KCNAB1: variants seen among roughly 807,000 people sequenced by gnomAD.
KCNAB1 encodes potassium voltage-gated channel subfamily A regulatory beta subunit 1.
A neutral mutation model predicts 64.6 loss-of-function variants in KCNAB1; 35 were observed. The observed-to-expected ratio is 0.54, with a 90% confidence interval of 0.41 to 0.72. The LOEUF (loss-of-function observed/expected upper bound fraction) is 0.72, where lower values mean the gene tolerates loss of function less well. Ranked by LOEUF, KCNAB1 falls within the 30% of genes least tolerant of loss-of-function variation. The pLI is 0.00. For missense variants in KCNAB1, 401 were observed against 512.9 expected (o/e 0.78, Z 2.11); for synonymous variants, 177 against 183.8 (o/e 0.96, Z 0.30).
At position 156,537,221 on chromosome 3, in the gene KCNAB1, T is replaced by C; in HGVS notation, c.*474T>C. ...TAGATTATTGTTAAGTAAATAGTTATTAAAAATATATCTCACTGCAAAAAA... is the reference window on the plus strand; with the variant it reads ...TAGATTATTGTTAAGTAAATAGTTACTAAAAATATATCTCACTGCAAAAAA... On this transcript the variant is annotated 3_prime_UTR_variant, in exon 14 of 14. Coordinates refer to ENST00000490337, the MANE Select transcript of KCNAB1 (RefSeq NM_172160.3). 2.7e-6 allele frequency: 1 copy of C among 374,184 alleles called. No individual in the cohort carries two copies. Among genetic ancestry groups the C allele is most frequent in the Non-Finnish European group, 4.6e-6 (1 of 218,060 alleles). 23.2% of individuals were successfully genotyped at this position (374,184 alleles called of 1,614,324 possible). A position where few individuals can be genotyped will look rare whatever the true frequency, so the allele number is the denominator to read the frequency against.
intron 7 of KCNAB1, among the ~76,000 whole-genome samples, chr3:156,467,489 A>C (rs940642218): frequency 6.6e-6 from 1 of 152,116 alleles, no homozygotes; most frequent in African/African-American, 2.4e-5. Flanking sequence ...ATAGATAAGG[A>C]AGCCAGGTTC....
intron 7 of KCNAB1, among the ~76,000 whole-genome samples, chr3:156,472,177 A>G (rs995998094): frequency 2.6e-5 from 4 of 152,172 alleles, no homozygotes; most frequent in African/African-American, 9.7e-5. Flanking sequence ...CCAAAAATCT[A>G]GGAGTCATTC....
intron 2 of KCNAB1, among the ~76,000 whole-genome samples, chr3:156,424,303 T>C (rs187179868): frequency 3.9e-5 from 6 of 152,192 alleles, no homozygotes; most frequent in Admixed American, 3.9e-4. Flanking sequence ...TGTGAAGGGG[T>C]ATTTCAAAGA....
At chr3:156,132,428 CAG>C (rs1714053764) in intron 1 of KCNAB1, among the ~76,000 whole-genome samples, 1 of 152,216 alleles carries the variant, frequency 6.6e-6, no homozygotes. Flanking sequence ...TTGAACCTGT[CAG>C]AGTGTTTCTC....
chr3:156,397,673 G>A (rs115857967), intron 1 of KCNAB1, among the ~76,000 whole-genome samples: 1 of 151,782 alleles, frequency 6.6e-6, no homozygotes, highest in African/African-American at 2.4e-5. Flanking sequence ...TAAGAATCCT[G>A]CCCACACAAG....
At chr3:156,260,214 A>G (rs933256934) in intron 1 of KCNAB1, among the ~76,000 whole-genome samples, 1 of 152,222 alleles carries the variant, frequency 6.6e-6, no homozygotes, top group African/African-American at 2.4e-5. Context: ...CTTTAAAAAA[A>G]TAAACCTTCT....
chr3:156,153,218 A>C (rs1715520718), intron 1 of KCNAB1, among the ~76,000 whole-genome samples: 1 of 152,192 alleles, frequency 6.6e-6, no homozygotes, highest in African/African-American at 2.4e-5. Flanking sequence ...CCCAGCGCTC[A>C]CTTCCTAACT....
intron 1 of KCNAB1, among the ~76,000 whole-genome samples, chr3:156,129,971 A>G (rs1713896500): frequency 6.6e-6 from 1 of 152,198 alleles, no homozygotes; most frequent in Non-Finnish European, 1.5e-5. Flanking sequence ...CTCTCCATGC[A>G]CAGTGGATCC....
intron 11 of KCNAB1, among the ~76,000 whole-genome samples, chr3:156,522,062 CT>C (rs1201445350): frequency 5.3e-5 from 3 of 56,572 alleles, no homozygotes; most frequent in Non-Finnish European, 1.4e-4. Context: ...TAACCCAATC[CT>C]AAGAAAGAGA....
At chr3:156,385,428 C>T (rs1264622681) in intron 1 of KCNAB1, among the ~76,000 whole-genome samples, 2 of 139,622 alleles carry the variant, frequency 1.4e-5, no homozygotes, top group Non-Finnish European at 3.0e-5. Flanking sequence ...AAAGGAGGAT[C>T]TTGTTGGATG....
chr3:156,512,329 C>T (rs1717266390), intron 8 of KCNAB1, among the ~76,000 whole-genome samples: 1 of 152,222 alleles, frequency 6.6e-6, no homozygotes, highest in Non-Finnish European at 1.5e-5. Flanking sequence ...TCCATCTTCA[C>T]TGCTTTTGTC....
downstream of KCNAB1, chr3:156,538,805 A>ATAT (rs1173211073): frequency 6.6e-6 from 1 of 152,264 alleles, no homozygotes; most frequent in Admixed American, 6.5e-5. Context: ...CAATCCAAAC[A>ATAT]TATTCTATCA....
At chr3:156,261,108 A>C (rs1056678310) in intron 1 of KCNAB1, among the ~76,000 whole-genome samples, 1 of 152,038 alleles carries the variant, frequency 6.6e-6, no homozygotes, top group East Asian at 1.9e-4. Flanking sequence ...TCTTCTTTCT[A>C]TTGAGTTATT....
At chr3:156,442,238 T>G (rs779582147) in intron 2 of KCNAB1, among the ~76,000 whole-genome samples, 37 of 152,140 alleles carry the variant, frequency 2.4e-4, no homozygotes, top group Non-Finnish European at 3.5e-4. Context: ...TTTCTAGGGG[T>G]AGATTTAGTG....
intron 1 of KCNAB1, among the ~76,000 whole-genome samples, chr3:156,200,389 C>T (rs915576580): frequency 3.3e-5 from 5 of 152,184 alleles, no homozygotes; most frequent in Non-Finnish European, 5.9e-5. Context: ...AACTGGCAGG[C>T]AAGAAGCTTT....
chr3:156,263,694 G>A (rs1718547556), intron 1 of KCNAB1, among the ~76,000 whole-genome samples: 1 of 151,970 alleles, frequency 6.6e-6, no homozygotes, highest in Non-Finnish European at 1.5e-5. Flanking sequence ...ATAAATTAGT[G>A]TAGTATTTGC....
chr3:156,360,136 A>G (rs1194696328), intron 1 of KCNAB1, among the ~76,000 whole-genome samples: 1 of 152,240 alleles, frequency 6.6e-6, no homozygotes, highest in Non-Finnish European at 1.5e-5. Flanking sequence ...TTCATAATTT[A>G]TTGTTAAATA....
chr3:156,188,632 A>G (rs1713359302), intron 1 of KCNAB1, among the ~76,000 whole-genome samples: 1 of 152,226 alleles, frequency 6.6e-6, no homozygotes, highest in Non-Finnish European at 1.5e-5. Context: ...TGCTTCTACT[A>G]ATTTCAATAT....
chr3:156,190,604 T>C (rs1713499714), intron 1 of KCNAB1, among the ~76,000 whole-genome samples: 1 of 152,104 alleles, frequency 6.6e-6, no homozygotes, highest in Admixed American at 6.5e-5. Context: ...ATCTGCAAAA[T>C]GAGAACAGTA....
Sources: gnomAD v4.1 joint callset for allele counts (sites outside exome capture counted in the v4.1 genomes callset) on GRCh38, gnomAD v4.1.1 for gene constraint, MANE v1.5 for transcripts, NCBI Gene and HGNC (gene_info 2026-07-23, HGNC 2026-07-21) for gene names.